Variants in PTGFRN observed in about 807,000 individuals in gnomAD.
PTGFRN encodes the protein prostaglandin F2 receptor inhibitor.
PTGFRN carries 35 observed loss-of-function variants against 83.2 expected under a neutral mutation model. The observed-to-expected ratio is 0.42, with a 90% CI of 0.32 to 0.56. PTGFRN has a LOEUF of 0.56. Ranked by LOEUF, PTGFRN falls within the 20% of genes least tolerant of loss-of-function variation. The pLI is 0.11. For missense variants in PTGFRN, 1,051 were observed against 1,179.5 expected (o/e 0.89, Z 1.60); for synonymous variants, 519 against 498.6 (o/e 1.04, Z -0.55).
chr1:116,921,377 C>T (rs184714380), intron 1 of PTGFRN, among the ~76,000 whole-genome samples: 82 of 152,310 alleles, frequency 5.4e-4, no homozygotes, highest in Admixed American at 1.1e-3. Context: ...TATTCGTTTT[C>T]CCATTTTCTG....
chr1:116,950,428 C>G (rs1473733320), intron 4 of PTGFRN, among the ~76,000 whole-genome samples: 2 of 147,472 alleles, frequency 1.4e-5, no homozygotes, highest in Non-Finnish European at 3.0e-5. Context: ...TCACATTCCC[C>G]CCTGTTTTGA....
At chr1:116,974,883 C>A (rs1243036062) in intron 7 of PTGFRN, among the ~76,000 whole-genome samples, 2 of 152,078 alleles carry the variant, frequency 1.3e-5, no homozygotes, top group Non-Finnish European at 2.9e-5. Context: ...GGGTGCAGGA[C>A]AGTAGGTACA....
rs569085660 is a variant in PTGFRN, at chr1:116,980,537, G to A, written c.2168-4143G>A. On this transcript the variant is annotated intron_variant, in intron 7 of 8. Coordinates refer to ENST00000393203, the MANE Select transcript of PTGFRN (RefSeq NM_020440.4). ...ATACTATGCAGCCATAAAAAAGGATGAGTTCATGTCCTTTGTAGGGACATG... is the reference window on the plus strand; with the variant it reads ...ATACTATGCAGCCATAAAAAAGGATAAGTTCATGTCCTTTGTAGGGACATG... Among the ~76,000 whole-genome samples the A allele has an allele frequency of 2.0e-5, 3 of 152,308 alleles. No individual in the cohort carries two copies. In the East Asian group the frequency reaches 5.8e-4, roughly 29 times the overall value.
chr1:116,914,127 A>G (rs1649341116), intron 1 of PTGFRN, among the ~76,000 whole-genome samples: 1 of 152,226 alleles, frequency 6.6e-6, no homozygotes, highest in South Asian at 2.1e-4. Flanking sequence ...ACCCTGCTTT[A>G]CACAGTCATT....
chr1:116,975,730 C>A (rs1037709516), intron 7 of PTGFRN, among the ~76,000 whole-genome samples: 33 of 152,138 alleles, frequency 2.2e-4, no homozygotes, highest in African/African-American at 7.7e-4. Context: ...TCTACGTCAC[C>A]ACCATCAAAG....
intron 1 of PTGFRN, among the ~76,000 whole-genome samples, chr1:116,925,094 G>C (rs752114426): frequency 6.6e-6 from 1 of 152,130 alleles, no homozygotes; most frequent in African/African-American, 2.4e-5. Context: ...GGCAGAGAAG[G>C]GGTGGGTAGT....
At chr1:116,984,597 A>T in intron 7 of PTGFRN, 83 bp from the exon 8 acceptor site, 1 of 1,351,470 alleles carries the variant, frequency 7.4e-7, no homozygotes, top group Non-Finnish European at 1.0e-6. Flanking sequence ...CATACGTAGT[A>T]AGGGCCTCAT....
rs147344592 is a variant in PTGFRN, at chr1:116,965,013, C to T, written c.1640-1898C>T. 4.6e-5 allele frequency among the ~76,000 whole-genome samples: 7 copies of T among 152,318 alleles called. No homozygotes were observed. In the East Asian group the frequency reaches 1.4e-3, roughly 29 times the overall value. On this transcript the variant is annotated intron_variant, in intron 5 of 8. Coordinates refer to ENST00000393203, the MANE Select transcript of PTGFRN (RefSeq NM_020440.4). ...TCACTCTAAACTTTCAAAGCCTCCCCATCTCACTCAGAGCAAAACCCAGAG... is the reference window on the plus strand; with the variant it reads ...TCACTCTAAACTTTCAAAGCCTCCCTATCTCACTCAGAGCAAAACCCAGAG...
At chr1:116,981,801 A>G (rs1651327390) in intron 7 of PTGFRN, among the ~76,000 whole-genome samples, 1 of 152,230 alleles carries the variant, frequency 6.6e-6, no homozygotes, top group Non-Finnish European at 1.5e-5. Flanking sequence ...TTTATTTACA[A>G]AAGCAGGTGG....
rs1649587546 is a variant in PTGFRN, at chr1:116,923,542, C to G, written c.49+13290C>G. 6.6e-6 allele frequency among the ~76,000 whole-genome samples: 1 copy of G among 152,218 alleles called. No individual in the cohort carries two copies. Among genetic ancestry groups the G allele is most frequent in the Admixed American group, 6.5e-5 (1 of 15,284 alleles). On this transcript the variant is annotated intron_variant, in intron 1 of 8. Coordinates refer to ENST00000393203, the MANE Select transcript of PTGFRN (RefSeq NM_020440.4). The surrounding 1 kb of genome is among the most constrained non-coding windows in gnomAD (Gnocchi z 4.0). ...ATGAGTTCTCATTATTGTTTCTCCA[C>G]TGCCTCCACCCCTTCCCTTTGCAGG...
In PTGFRN at chr1:116,952,538, A is replaced by G. The variant is rs1650377352; in HGVS notation, c.1213+2966A>G. 6.6e-6 allele frequency among the ~76,000 whole-genome samples: 1 copy of G among 152,238 alleles called. No homozygotes were observed. Among genetic ancestry groups the G allele is most frequent in the African/African-American group, 2.4e-5 (1 of 41,454 alleles). Reference sequence around the variant, plus strand: ...AGCAGGAGACATAAAATCAAGATCAAAAGGGTAAAAGAAGAATAGATATTG... The same window carrying G: ...AGCAGGAGACATAAAATCAAGATCAGAAGGGTAAAAGAAGAATAGATATTG... On this transcript the variant is annotated intron_variant, in intron 4 of 8. Transcript: ENST00000393203. This position sits in a 1 kb window ranked among gnomAD's most constrained non-coding sequence, Gnocchi z 4.0.
At position 116,967,336 on chromosome 1, in the gene PTGFRN, C is replaced by A. The variant is rs1418913872; in HGVS notation, c.2059+6C>A. On this transcript the variant is annotated splice_donor_region_variant and intron_variant, in intron 6 of 8. Transcript: ENST00000393203. ...GATAGACTTCCAAACCTCAGGTGAG[C>A]AGTGAGCCCTGTTGAATCATAGGTG... 2 of 1,603,864 alleles carry A rather than the reference C, an allele frequency of 1.2e-6. No homozygotes were observed. Among genetic ancestry groups the A allele is most frequent in the South Asian group, 2.2e-5 (2 of 90,278 alleles).
At chr1:116,972,127 C>T (rs560827666) in intron 6 of PTGFRN, among the ~76,000 whole-genome samples, 2 of 152,326 alleles carry the variant, frequency 1.3e-5, no homozygotes, top group East Asian at 1.9e-4. Flanking sequence ...AATCCTGCCC[C>T]ACCTCACTGC....
chr1:116,937,376 G>A (rs1649947193), intron 1 of PTGFRN, among the ~76,000 whole-genome samples: 2 of 152,226 alleles, frequency 1.3e-5, no homozygotes, highest in African/African-American at 4.8e-5. Context: ...TTGCTGTATT[G>A]AGACTAGAGA....
At chr1:116,914,466 C>G (rs1284280596) in intron 1 of PTGFRN, among the ~76,000 whole-genome samples, 1 of 152,162 alleles carries the variant, frequency 6.6e-6, no homozygotes. Context: ...AAAGAAAAAT[C>G]TGGGCTAAAC....
chr1:116,934,117 CTTTTGTTTTA>C (rs1649864083), intron 1 of PTGFRN, among the ~76,000 whole-genome samples: 1 of 151,754 alleles, frequency 6.6e-6, no homozygotes, highest in South Asian at 2.1e-4. Context: ...CTTTTACTGA[CTTTTGTTTTA>C]TTTTGTTTTG....
chr1:116,916,222 G>A (rs1055938742), intron 1 of PTGFRN, among the ~76,000 whole-genome samples: 2 of 152,220 alleles, frequency 1.3e-5, no homozygotes, highest in Non-Finnish European at 2.9e-5. Flanking sequence ...CAGCTGGAAT[G>A]TGAAAATATT....
At chr1:116,976,288 G>A (rs1651153543) in intron 7 of PTGFRN, among the ~76,000 whole-genome samples, 1 of 152,174 alleles carries the variant, frequency 6.6e-6, no homozygotes, top group Non-Finnish European at 1.5e-5. Context: ...AACCAAGTTG[G>A]AAAACACTCT....
At chr1:116,978,140 C>G (rs1440509806) in intron 7 of PTGFRN, among the ~76,000 whole-genome samples, 1 of 152,208 alleles carries the variant, frequency 6.6e-6, no homozygotes, top group Non-Finnish European at 1.5e-5. Context: ...GGATGAATTC[C>G]TGGACACATA....
Sources: gnomAD v4.1 joint callset for allele counts (sites outside exome capture counted in the v4.1 genomes callset) on GRCh38, gnomAD v4.1.1 for gene constraint, Gnocchi (gnomAD v3.1) non-coding constraint, MANE v1.5 for transcripts, NCBI Gene and HGNC (gene_info 2026-07-23, HGNC 2026-07-21) for gene names.